KIF17: variants seen among roughly 807,000 people sequenced by gnomAD.
KIF17 encodes the protein kinesin-like protein KIF17.
KIF17 carries 80 observed loss-of-function variants against 96.8 expected under a neutral mutation model. The observed-to-expected ratio is 0.83, with a 90% CI of 0.69 to 1.00. KIF17 has a LOEUF of 1.00. Among genes scored for constraint, KIF17 ranks in the 50% least tolerant of loss-of-function variants. The pLI is 0.00. For synonymous variants in KIF17, 567 were observed against 587.5 expected (o/e 0.97, Z 0.51); for missense variants, 1,280 against 1,372.9 (o/e 0.93, Z 1.07).
Position 20,704,652 on chromosome 1 carries a change from C to G in KIF17, c.918G>C (p.Thr306=), listed in dbSNP as rs755200199. 1 of 1,614,134 alleles carries G rather than the reference C, an allele frequency of 6.2e-7. No homozygotes were observed. The highest frequency in any genetic ancestry group is 1.1e-5 in the South Asian group (1 of 91,088). The change falls in exon 5 of 15, where the codon ACG becomes ACC. Residue 306 remains threonine (T), a synonymous_variant. Transcript: ENST00000400463. This position sits in a 1 kb window ranked among gnomAD's most constrained non-coding sequence, Gnocchi z 6.8. ...CAGGCGACAGGCAGGCCACCATGAGCGTCTTGGTGTTGCCGCCCAGTGAGT... is the reference window on the plus strand; with the variant it reads ...CAGGCGACAGGCAGGCCACCATGAGGGTCTTGGTGTTGCCGCCCAGTGAGT... ...LQDSLGGNTK[T]LMVACLSPAD...
At position 20,685,604 on chromosome 1, in the gene KIF17, G is replaced by A. The variant is rs111426636; in HGVS notation, c.2019+442C>T. On this transcript the variant is annotated intron_variant, in intron 9 of 14. Transcript: ENST00000400463. This position sits in a 1 kb window ranked among gnomAD's most constrained non-coding sequence, Gnocchi z 4.1. ...GCTGAGAGCCTGCTGCAGGCCCGGT[G>A]CCCAGCCCACACTTGAGTCCAAACT... 0.074 allele frequency among the ~76,000 whole-genome samples: 11,225 copies of A among 152,022 alleles called. 603 individuals carry two copies. Among genetic ancestry groups the A allele is most frequent in the African/African-American group, 0.15 (6,412 of 41,444 alleles).
At chr1:20,714,570 A>G (rs986876482) in intron 2 of KIF17, among the ~76,000 whole-genome samples, 23 of 152,086 alleles carry the variant, frequency 1.5e-4, no homozygotes, top group African/African-American at 5.6e-4. Context: ...GCCGAGGCCA[A>G]TGAATCACCT....
chr1:20,683,611 C>T (rs1244596145), intron 10 of KIF17, among the ~76,000 whole-genome samples: 4 of 151,930 alleles, frequency 2.6e-5, no homozygotes, highest in Non-Finnish European at 4.4e-5. Flanking sequence ...GCCGAGATCG[C>T]ACCACTGCAC....
chr1:20,670,733 G>T (rs1570431973), intron 12 of KIF17, among the ~76,000 whole-genome samples: 2 of 152,318 alleles, frequency 1.3e-5, no homozygotes, highest in Middle Eastern at 3.4e-3. Flanking sequence ...AGGCGAGGGT[G>T]GGGACAGACA....
At chr1:20,703,479 GATGGATA>G (rs2054280366) in intron 5 of KIF17, among the ~76,000 whole-genome samples, 1 of 94,108 alleles carries the variant, frequency 1.1e-5, no homozygotes, top group Non-Finnish European at 2.1e-5. Flanking sequence ...AGGATGGATA[GATGGATA>G]GATGGATGGA....
chr1:20,673,762 C>T (rs1015935492), intron 11 of KIF17, among the ~76,000 whole-genome samples: 1 of 152,054 alleles, frequency 6.6e-6, no homozygotes, highest in African/African-American at 2.4e-5. Context: ...AACTCCTGAC[C>T]TCAGGTGATC....
At chr1:20,678,072 AAG>A (rs1199256798) in intron 11 of KIF17, among the ~76,000 whole-genome samples, 1 of 152,224 alleles carries the variant, frequency 6.6e-6, no homozygotes, top group Admixed American at 6.5e-5. Context: ...TATAAAGAAA[AAG>A]AAGTTTAATG....
At position 20,690,352 on chromosome 1, in the gene KIF17, G is replaced by GGGGGGGGCCCCCC; in HGVS notation, c.1234-18_1234-17insGGGGGGCCCCCCC. On this transcript the variant is annotated splice_polypyrimidine_tract_variant and intron_variant, in intron 6 of 14. Transcript: ENST00000400463. ...TTCATACTCCTGGGGGGGTGGGAGGGACCAGAGGGCAGGCAGCATTTTATC... is the reference window on the plus strand; with the variant it reads ...TTCATACTCCTGGGGGGGTGGGAGGGGGGGGGGCCCCCCACCAGAGGGCAGGCAGCATTTTATC... 1 of 451,170 alleles carries GGGGGGGGCCCCCC rather than the reference G, an allele frequency of 2.2e-6. No individual in the cohort carries two copies. Among genetic ancestry groups the GGGGGGGGCCCCCC allele is most frequent in the Non-Finnish European group, 4.3e-6 (1 of 235,148 alleles). The allele number at this position is 451,170 out of a possible 1,614,324, so 27.9% of individuals were successfully genotyped here.
chr1:20,699,201 G>A lies in KIF17; in HGVS notation c.1124-713C>T, dbSNP rs971985106. Among the ~76,000 whole-genome samples the A allele has an allele frequency of 2.0e-5, 3 of 152,004 alleles. No homozygotes were observed. The highest frequency in any genetic ancestry group is 2.9e-5 in the Non-Finnish European group (2 of 68,022). On this transcript the variant is annotated intron_variant, in intron 5 of 14. Coordinates refer to ENST00000400463, the MANE Select transcript of KIF17 (RefSeq NM_001122819.3). The surrounding 1 kb of genome is among the most constrained non-coding windows in gnomAD (Gnocchi z 4.3). ...TGGGATCAAGCAATCTTCTCATCTCGGCCTGCGAAAGTGCTGGGATTACAG... is the reference window on the plus strand; with the variant it reads ...TGGGATCAAGCAATCTTCTCATCTCAGCCTGCGAAAGTGCTGGGATTACAG...
Position 20,704,710 on chromosome 1 carries a change from T to C in KIF17, c.860A>G (p.Tyr287Cys). 3.7e-6 allele frequency: 6 copies of C among 1,613,862 alleles called. No individual in the cohort carries two copies. The highest frequency in any genetic ancestry group is 5.1e-6 in the Non-Finnish European group (6 of 1,179,864). ...LVDGRCKHVP[Y>C]RDSKLTRLLQ... The stretch of plus-strand genomic sequence containing the variant: ...CAGCCGCGTCAGCTTCGAGTCACGG[T>C]AGGGGACGTGCTTACAGCGCCCGTC... The change falls in exon 5 of 15, where the codon TAC (tyrosine) becomes TGC (cysteine). Residue 287 changes from tyrosine (Y) to cysteine (C), a missense_variant. Coordinates refer to ENST00000400463, the MANE Select transcript of KIF17 (RefSeq NM_001122819.3). This position sits in a 1 kb window ranked among gnomAD's most constrained non-coding sequence, Gnocchi z 6.8.
chr1:20,667,785 A>T (rs12027332), intron 13 of KIF17, among the ~76,000 whole-genome samples: 24,225 of 152,180 alleles, frequency 0.16, 2,166 homozygotes, highest in Middle Eastern at 0.24. Context: ...AGGCAGGCGG[A>T]TCACCTGAGG....
intron 7 of KIF17, among the ~76,000 whole-genome samples, chr1:20,688,803 G>C (rs566797705): frequency 6.6e-5 from 10 of 152,312 alleles, no homozygotes; most frequent in African/African-American, 2.2e-4. Context: ...ATTCAATCTG[G>C]ACTGGAGGGA....
chr1:20,712,854 T>TCTATATATAAATAGATAA (rs1282786976), intron 3 of KIF17, among the ~76,000 whole-genome samples: 8 of 22,566 alleles, frequency 3.5e-4, no homozygotes, highest in African/African-American at 1.0e-3. Flanking sequence ...ATAGATAATA[T>TCTATATATAAATAGATAA]TATCTATATT....
rs1028765791 is a variant in KIF17, at chr1:20,717,741, A to T, written c.-35T>A. On this transcript the variant is annotated 5_prime_UTR_variant, in exon 1 of 15. Coordinates refer to ENST00000400463, the MANE Select transcript of KIF17 (RefSeq NM_001122819.3). ...CCCAGGACCAACGGGACCAGAGCTGACCCCCGCCCCGCCGGGGACTCCCAG... is the reference window on the plus strand; with the variant it reads ...CCCAGGACCAACGGGACCAGAGCTGTCCCCCGCCCCGCCGGGGACTCCCAG... 1 of 1,513,602 alleles carries T rather than the reference A, an allele frequency of 6.6e-7. No individual in the cohort carries two copies. The highest frequency in any genetic ancestry group is 8.8e-7 in the Non-Finnish European group (1 of 1,138,496). The allele number at this position is 1,513,602 out of a possible 1,614,324, so 93.8% of individuals were successfully genotyped here. A position where few individuals can be genotyped will look rare whatever the true frequency, so the allele number is the denominator to read the frequency against.
chr1:20,664,786 C>G, intron 14 of KIF17, 24 bp from the exon 15 acceptor site: 1 of 1,608,196 alleles, frequency 6.2e-7, no homozygotes, highest in Non-Finnish European at 8.5e-7. Context: ...GGCAGAGGTG[C>G]TGGTAAGCCA....
At chr1:20,688,408 G>T (rs1436401888) in intron 7 of KIF17, among the ~76,000 whole-genome samples, 4 of 152,168 alleles carry the variant, frequency 2.6e-5, no homozygotes, top group African/African-American at 9.7e-5. Flanking sequence ...CCCTCCAGAG[G>T]CTGGCTACAG....
At position 20,690,292 on chromosome 1, in the gene KIF17, G is replaced by A. The variant is rs748839142; in HGVS notation, c.1277C>T (p.Ala426Val). Reference protein sequence around the residue: ...RLARLKADYKAEQESRARLEE... With the variant: ...RLARLKADYKVEQESRARLEE... ...CAGCCTGGCCCGAGACTCCTGCTCG[G>A]CCTTATAGTCGGCTTTCAGCCGGGC... The change falls in exon 7 of 15, where the codon GCC becomes GTC. Residue 426 changes from alanine to valine, a missense_variant. Ala to Val is a moderately conservative substitution (Grantham distance 64). Coordinates refer to ENST00000400463, the MANE Select transcript of KIF17 (RefSeq NM_001122819.3). 10 of 1,373,820 alleles carry A rather than the reference G, an allele frequency of 7.3e-6. No homozygotes were observed. The East Asian group carries it at 4.0e-4, about 55-fold the overall frequency. The allele number at this position is 1,373,820 out of a possible 1,614,324, so 85.1% of individuals were successfully genotyped here. A position where few individuals can be genotyped will look rare whatever the true frequency, so the allele number is the denominator to read the frequency against.
chr1:20,717,286 C>T (rs1570492799), intron 1 of KIF17, 190 bp downstream of exon 1: 1 of 624,900 alleles, frequency 1.6e-6, no homozygotes, highest in Admixed American at 2.9e-5. Flanking sequence ...AGTGCAGACC[C>T]GGAGGCGACA....
At chr1:20,675,975 G>A (rs546029039) in intron 11 of KIF17, among the ~76,000 whole-genome samples, 1 of 152,210 alleles carries the variant, frequency 6.6e-6, no homozygotes, top group South Asian at 2.1e-4. Flanking sequence ...AGGAGATGGA[G>A]GTTGCAGTGA....
Sources: gnomAD v4.1 joint callset for allele counts (sites outside exome capture counted in the v4.1 genomes callset) on GRCh38, gnomAD v4.1.1 for gene constraint, Gnocchi (gnomAD v3.1) non-coding constraint, MANE v1.5 for transcripts, NCBI Gene and HGNC (gene_info 2026-07-23, HGNC 2026-07-21) for gene names.